TMEM9: variants seen among roughly 807,000 people sequenced by gnomAD.
TMEM9 encodes the protein transmembrane protein 9, also known as proton-transporting V-type ATPase complex assembly regulator TMEM9.
TMEM9 carries 13 observed loss-of-function variants against 22.8 expected under a neutral mutation model. That is an observed-to-expected ratio of 0.57 (90% confidence interval 0.37 to 0.91). The LOEUF (loss-of-function observed/expected upper bound fraction) is 0.91. TMEM9 is among the 40% of genes least tolerant of loss of function. The pLI, the probability that TMEM9 is intolerant of heterozygous loss-of-function variation, is 0.01. For missense variants in TMEM9, 182 were observed against 238.1 expected (o/e 0.76, Z 1.55); for synonymous variants, 88 against 93.0 (o/e 0.95, Z 0.31).
At chr1:201,152,393 T>A (rs1158654511) in intron 1 of TMEM9, among the ~76,000 whole-genome samples, 3 of 152,200 alleles carry the variant, frequency 2.0e-5, no homozygotes, top group Admixed American at 6.5e-5. Context: ...GAGTAAGAGA[T>A]ATCACCATAA....
At chr1:201,143,643 TG>T (rs1458938056) in intron 4 of TMEM9, among the ~76,000 whole-genome samples, 176 bp downstream of exon 4, 1 of 152,230 alleles carries the variant, frequency 6.6e-6, no homozygotes, top group Non-Finnish European at 1.5e-5. Context: ...CTGCTTCATC[TG>T]GAAGGGCAAA....
At chr1:201,141,298 A>C (rs1185305774) in intron 4 of TMEM9, among the ~76,000 whole-genome samples, 1 of 152,200 alleles carries the variant, frequency 6.6e-6, no homozygotes, top group Non-Finnish European at 1.5e-5. Flanking sequence ...GGCAGACATA[A>C]GGTCTGTGCA....
rs190828474 is a variant in TMEM9, at chr1:201,134,900, G to C, written c.*763C>G. ...GGACAAGAGGCAACCCAAGTACAGGGGCTGTGGTGTTCAGATCCACGCTCA... is the reference window on the plus strand; with the variant it reads ...GGACAAGAGGCAACCCAAGTACAGGCGCTGTGGTGTTCAGATCCACGCTCA... On this transcript the variant is annotated 3_prime_UTR_variant, in exon 5 of 5. Transcript: ENST00000367330. 1 of 152,946 alleles carries C rather than the reference G, an allele frequency of 6.5e-6. No individual in the cohort carries two copies. Among genetic ancestry groups the C allele is most frequent in the Non-Finnish European group, 1.5e-5 (1 of 68,050 alleles). The allele number at this position is 152,946 out of a possible 1,614,324, so 9.5% of individuals were successfully genotyped here.
chr1:201,153,957 C>G lies in TMEM9; in HGVS notation c.-34G>C. The G allele has an allele frequency of 1.3e-6, 2 of 1,588,294 alleles. No individual in the cohort carries two copies. Among genetic ancestry groups the G allele is most frequent in the Non-Finnish European group, 1.7e-6 (2 of 1,166,636 alleles). On this transcript the variant is annotated 5_prime_UTR_variant, in exon 1 of 5. Coordinates refer to ENST00000367330, the MANE Select transcript of TMEM9 (RefSeq NM_001288565.2). ...GGCTTGCTGGGCCAGCAAAGCCGGA[C>G]ACCTGGAAAAAGAGATACGGAGTCG...
intron 3 of TMEM9, chr1:201,144,787 G>A (rs943153498): frequency 2.0e-5 from 3 of 152,132 alleles, no homozygotes; most frequent in Non-Finnish European, 4.4e-5. Context: ...CCCCTGGGGG[G>A]GCTGTAATCA....
At position 201,151,927 on chromosome 1, in the gene TMEM9, G is replaced by A. The variant is rs1034610627; in HGVS notation, c.67-75C>T. 1.1e-5 allele frequency: 13 copies of A among 1,142,786 alleles called. No individual in the cohort carries two copies. In the East Asian group the frequency reaches 3.1e-4, roughly 27 times the overall value. 70.8% of individuals were successfully genotyped at this position (1,142,786 alleles called of 1,614,324 possible). Reference sequence around the variant, plus strand: ...AGGGGGTTCAGGCTCTAGCAAGGTTGTCAACTTTCTGTTCCCCATCCTGTT... The same window carrying A: ...AGGGGGTTCAGGCTCTAGCAAGGTTATCAACTTTCTGTTCCCCATCCTGTT... On this transcript the variant is annotated intron_variant, in intron 1 of 4. Coordinates refer to ENST00000367330, the MANE Select transcript of TMEM9 (RefSeq NM_001288565.2).
intron 1 of TMEM9, among the ~76,000 whole-genome samples, chr1:201,170,732 G>T (rs761815388): frequency 9.2e-5 from 14 of 152,166 alleles, no homozygotes; most frequent in Non-Finnish European, 1.8e-4. Flanking sequence ...ATTGCATCAG[G>T]GTTGAACAGG....
chr1:201,146,939 G>T, intron 2 of TMEM9, 91 bp from the exon 3 acceptor site: 1 of 1,220,956 alleles, frequency 8.2e-7, no homozygotes. Context: ...GGAGCTGAGA[G>T]GTAGGGGCTA....
upstream of TMEM9, among the ~76,000 whole-genome samples, chr1:201,158,238 A>T (rs1665852899): frequency 6.6e-6 from 1 of 152,184 alleles, no homozygotes; most frequent in Admixed American, 6.5e-5. Flanking sequence ...AGACACCCTG[A>T]TTTTAGTTCA....
At chr1:201,152,161 GGTGTGT>G (rs3222916) in intron 1 of TMEM9, among the ~76,000 whole-genome samples, 31,432 of 150,006 alleles carry the variant, frequency 0.21, 3,330 homozygotes, top group African/African-American at 0.27. Context: ...AGGGGAAATG[GGTGTGT>G]GTGTGTGTGT....
rs79234775 is a variant in TMEM9, at chr1:201,170,730, A to T, written c.-37+760T>A. Among the ~76,000 whole-genome samples, 1,091 of 152,256 alleles carry T rather than the reference A, an allele frequency of 7.2e-3. 25 individuals are homozygous for T. In the East Asian group the frequency reaches 0.094, roughly 13 times the overall value. On this transcript the variant is annotated intron_variant, in intron 1 of 5. Coordinates refer to the TMEM9 transcript ENST00000367333. ...ACGCAAAGGGCAAGTGTATTGCATCAGGGTTGAACAGGGTGGCGCCGGCCA... is the reference window on the plus strand; with the variant it reads ...ACGCAAAGGGCAAGTGTATTGCATCTGGGTTGAACAGGGTGGCGCCGGCCA...
intron 1 of TMEM9, among the ~76,000 whole-genome samples, chr1:201,161,318 A>G (rs2102292719): frequency 6.6e-6 from 1 of 152,360 alleles, no homozygotes; most frequent in Non-Finnish European, 1.5e-5. Flanking sequence ...TAGTATTTCT[A>G]GGAAAATAGT....
intron 3 of TMEM9, 128 bp downstream of exon 3, chr1:201,146,612 G>C (rs771237027): frequency 9.9e-7 from 1 of 1,010,788 alleles, no homozygotes; most frequent in Non-Finnish European, 1.6e-6. Flanking sequence ...CACTAGGCCA[G>C]CCTAGAAGCC....
intron 1 of TMEM9, among the ~76,000 whole-genome samples, chr1:201,160,673 A>C (rs1232661943): frequency 6.6e-6 from 1 of 151,442 alleles, no homozygotes; most frequent in East Asian, 1.9e-4. Context: ...GCAGTGGCTC[A>C]GGCCTGTAAT....
chr1:201,147,925 T>C (rs1293517825), intron 2 of TMEM9, among the ~76,000 whole-genome samples: 2 of 152,290 alleles, frequency 1.3e-5, no homozygotes, highest in Admixed American at 1.3e-4. Flanking sequence ...CTGTGCCCAA[T>C]AGCCAGCTCC....
At chr1:201,143,553 C>G (rs1414005932) in intron 4 of TMEM9, among the ~76,000 whole-genome samples, 1 of 152,224 alleles carries the variant, frequency 6.6e-6, no homozygotes, top group African/African-American at 2.4e-5. Context: ...TGGCTGCGCC[C>G]CCTCTGCCTG....
In TMEM9 at chr1:201,153,959, C is replaced by T. The variant is rs1223387250; in HGVS notation, c.-36G>A. The T allele has an allele frequency of 6.3e-7, 1 of 1,586,732 alleles. No homozygotes were observed. The highest frequency in any genetic ancestry group is 1.4e-5 in the African/African-American group (1 of 73,930). On this transcript the variant is annotated 5_prime_UTR_variant, in exon 1 of 5. It adds an upstream start codon to the 5' untranslated region. Transcript: ENST00000367330. ...CTTGCTGGGCCAGCAAAGCCGGACACCTGGAAAAAGAGATACGGAGTCGGA... is the reference window on the plus strand; with the variant it reads ...CTTGCTGGGCCAGCAAAGCCGGACATCTGGAAAAAGAGATACGGAGTCGGA...
At chr1:201,156,981 G>A (rs976076677), upstream of TMEM9, among the ~76,000 whole-genome samples, 1 of 152,232 alleles carries the variant, frequency 6.6e-6, no homozygotes, top group Non-Finnish European at 1.5e-5. Context: ...GTTGTCTGTG[G>A]TGACACTTGA....
In TMEM9 at chr1:201,151,824, A is replaced by C. The variant is rs1381743206; in HGVS notation, c.95T>G (p.Ile32Ser). The C allele has an allele frequency of 6.2e-7, 1 of 1,613,820 alleles. No individual in the cohort carries two copies. Among genetic ancestry groups the C allele is most frequent in the South Asian group, 1.1e-5 (1 of 91,066 alleles). Residue 32 changes from isoleucine to serine, a missense_variant, in exon 2 of 5, where the codon ATC becomes AGC. Ile to Ser is a moderately radical substitution (Grantham distance 142). Coordinates refer to ENST00000367330, the MANE Select transcript of TMEM9 (RefSeq NM_001288565.2). ...ACTGATGTTTCTATAAGGTGGACAG[A>C]TGCATTTGCACCGGATATCTTCAGA... ...KSSEDIRCKC[I>S]CPPYRNISGH...
Sources: allele counts gnomAD v4.1 joint callset (sites outside exome capture counted in the v4.1 genomes callset), GRCh38; gene constraint gnomAD v4.1.1; transcripts MANE v1.5; gene names NCBI Gene and HGNC (gene_info 2026-07-23, HGNC 2026-07-21).